Variants in DNAJB1 observed in about 807,000 individuals in gnomAD.
DNAJB1 encodes DnaJ heat shock protein family (Hsp40) member B1.
In DNAJB1, 14 loss-of-function variants were observed where a neutral mutation model predicts 24.0. The ratio of observed to expected loss-of-function variants is 0.58; its 90% CI spans 0.39 to 0.91. DNAJB1 has a LOEUF of 0.91. DNAJB1 is among the 40% of genes least tolerant of loss of function. The pLI is 0.00. For missense variants in DNAJB1, 517 were observed against 458.1 expected (o/e 1.13, Z -1.17); for synonymous variants, 262 against 174.4 (o/e 1.50, Z -3.96).
At chr19:14,534,405 T>G, upstream of DNAJB1, among the ~76,000 whole-genome samples, 2 of 133,140 alleles carry the variant, frequency 1.5e-5, no homozygotes, top group Non-Finnish European at 1.6e-5. Context: ...ATTACAGGAG[T>G]GAGCCACCAT....
chr19:14,551,275 A>G (rs1411068175), upstream of DNAJB1, among the ~76,000 whole-genome samples: 4 of 151,346 alleles, frequency 2.6e-5, no homozygotes. Context: ...GGGTTTCATC[A>G]TGTTGGCCAG....
At chr19:14,538,324 T>G (rs2072976346) in intron 1 of DNAJB1, among the ~76,000 whole-genome samples, 4 of 151,988 alleles carry the variant, frequency 2.6e-5, no homozygotes, top group Admixed American at 2.6e-4. Context: ...AAGCTTCAGT[T>G]TTGTCACCCT....
upstream of DNAJB1, among the ~76,000 whole-genome samples, chr19:14,551,182 C>T (rs1242333455): frequency 1.3e-5 from 2 of 151,954 alleles, no homozygotes; most frequent in African/African-American, 2.4e-5. Flanking sequence ...TAACGATTCT[C>T]CTGCCTCAGG....
rs190512812 is a variant in DNAJB1, at chr19:14,540,473, A to G, written c.-214+9735T>C. Among the ~76,000 whole-genome samples the G allele has an allele frequency of 2.5e-3, 367 of 148,266 alleles. 3 individuals carry two copies. The highest frequency in any genetic ancestry group is 9.0e-3 in the African/African-American group (359 of 40,070). ...AGTGGTGCGATCTTGGCTCTCTGCA[A>G]CCTCTGCGTCTGGGATTCAAGCATT... On this transcript the variant is annotated intron_variant, in intron 1 of 3. Transcript: ENST00000676982.
At chr19:14,549,820 G>GT (rs2073431922) in intron 1 of DNAJB1, among the ~76,000 whole-genome samples, 1 of 151,870 alleles carries the variant, frequency 6.6e-6, no homozygotes, top group African/African-American at 2.4e-5. Context: ...GCATGCACCC[G>GT]TAATCCCAGC....
upstream of DNAJB1, chr19:14,529,677 A>G (rs1031933221): frequency 8.1e-6 from 13 of 1,613,808 alleles, no homozygotes; most frequent in Non-Finnish European, 1.0e-5. Flanking sequence ...GCGGAGCAGT[A>G]GCCGCCGTGG....
At chr19:14,542,510 C>A (rs1266332229) in intron 1 of DNAJB1, among the ~76,000 whole-genome samples, 1 of 151,668 alleles carries the variant, frequency 6.6e-6, no homozygotes, top group Non-Finnish European at 1.5e-5. Context: ...TACAGGCATC[C>A]ACCACCACTC....
intron 1 of DNAJB1, among the ~76,000 whole-genome samples, chr19:14,547,872 G>A (rs1442141762): frequency 6.6e-6 from 1 of 150,930 alleles, no homozygotes; most frequent in Admixed American, 6.6e-5. Context: ...ATGTTGCCCA[G>A]GTTGGTCTTG....
intron 1 of DNAJB1, among the ~76,000 whole-genome samples, chr19:14,536,094 G>A (rs1468329025): frequency 6.6e-6 from 1 of 152,096 alleles, no homozygotes; most frequent in Admixed American, 6.6e-5. Flanking sequence ...CAGAGAACAA[G>A]GCCTTTTCCA....
chr19:14,523,266 T>C (rs1231996147), upstream of DNAJB1, among the ~76,000 whole-genome samples: 1 of 152,032 alleles, frequency 6.6e-6, no homozygotes, highest in African/African-American at 2.4e-5. Flanking sequence ...GTGGATGAAA[T>C]TGAGAGGAAA....
chr19:14,533,718 GGA>G (rs1347431387), upstream of DNAJB1, among the ~76,000 whole-genome samples: 1 of 152,118 alleles, frequency 6.6e-6, no homozygotes, highest in Admixed American at 6.6e-5. Flanking sequence ...TGATCTGAGA[GGA>G]AAAGTTTTCC....
upstream of DNAJB1, among the ~76,000 whole-genome samples, chr19:14,555,208 G>A (rs1205945083): frequency 6.6e-6 from 1 of 151,688 alleles, no homozygotes; most frequent in East Asian, 1.9e-4. Context: ...CCCCTGAGGA[G>A]TAGGTAGGAC....
At chr19:14,537,989 G>T (rs1288301582) in intron 1 of DNAJB1, among the ~76,000 whole-genome samples, 1 of 152,030 alleles carries the variant, frequency 6.6e-6, no homozygotes, top group African/African-American at 2.4e-5. Flanking sequence ...CAGGTGATCC[G>T]CCCAACTTGG....
intron 1 of DNAJB1, among the ~76,000 whole-genome samples, chr19:14,528,900 G>A (rs935026100): frequency 6.6e-6 from 1 of 152,088 alleles, no homozygotes; most frequent in Admixed American, 6.6e-5. Context: ...CCGTCATTGC[G>A]CCACTGCACT....
intron 1 of DNAJB1, among the ~76,000 whole-genome samples, chr19:14,549,361 C>CAT (rs2073414980): frequency 2.0e-5 from 3 of 151,868 alleles, no homozygotes; most frequent in Non-Finnish European, 4.4e-5. Context: ...TACAGGCATG[C>CAT]GCCACCATGC....
At chr19:14,520,862 G>A (rs952902441), upstream of DNAJB1, among the ~76,000 whole-genome samples, 8 of 151,934 alleles carry the variant, frequency 5.3e-5, no homozygotes, top group African/African-American at 1.9e-4. Flanking sequence ...GTGCAATGAT[G>A]TGAGCCTGTA....
Position 14,538,976 on chromosome 19 carries a change from A to ATT in DNAJB1, c.-213-11168_-213-11167dup, listed in dbSNP as rs869186799. On this transcript the variant is annotated intron_variant, in intron 1 of 3. Transcript: ENST00000676982. ...TAATGTCACACACCATGCAAGTCAC[A>ATT]TTTTTTTTTTTTTTTGAGACAGAGT... Among the ~76,000 whole-genome samples the ATT allele has an allele frequency of 5.0e-4, 66 of 132,974 alleles. 1 individual carries two copies. The highest frequency in any genetic ancestry group is 1.7e-3 in the African/African-American group (60 of 36,256). The allele number at this position is 132,974 out of a possible 152,430, so 87.2% of individuals were successfully genotyped here. A position where few individuals can be genotyped will look rare whatever the true frequency, so the allele number is the denominator to read the frequency against.
At position 14,516,705 on chromosome 19, in the gene DNAJB1, T is replaced by C. The variant is rs1286980191; in HGVS notation, c.553A>G (p.Ile185Val). The change falls in exon 2 of 3, where the codon ATC becomes GTC. Residue 185 changes from isoleucine to valine, a missense_variant. Physicochemically the swap from Ile to Val is conservative, Grantham distance 29 (BLOSUM62 3). Coordinates refer to ENST00000254322, the MANE Select transcript of DNAJB1 (RefSeq NM_006145.3). ...TCGGGGTTTAGCCGCTTGTGGGAGA[T>C]TTTCATCTTCTTGGTACAGCCGCTG... ...IYSGCTKKMK[I>V]SHKRLNPDGK... 1 of 1,614,110 alleles carries C rather than the reference T, an allele frequency of 6.2e-7. No homozygotes were observed. Among genetic ancestry groups the C allele is most frequent in the South Asian group, 1.1e-5 (1 of 91,074 alleles).
upstream of DNAJB1, among the ~76,000 whole-genome samples, chr19:14,534,278 C>G (rs970907060): frequency 6.9e-6 from 1 of 145,504 alleles, no homozygotes; most frequent in African/African-American, 2.5e-5. Context: ...GTGCCTGCCA[C>G]CATGCCTGGC....
Sources: allele counts gnomAD v4.1 joint callset (sites outside exome capture counted in the v4.1 genomes callset), GRCh38; gene constraint gnomAD v4.1.1; transcripts MANE v1.5; gene names NCBI Gene and HGNC (gene_info 2026-07-23, HGNC 2026-07-21).